The following LRP8 variants were observed in gnomAD, a reference collection of about 807,000 sequenced individuals.
LRP8 encodes the protein LDL receptor related protein 8.
In LRP8, 46 loss-of-function variants were observed where a neutral mutation model predicts 111.6. The ratio of observed to expected loss-of-function variants is 0.41; its 90% CI spans 0.33 to 0.53. The LOEUF (loss-of-function observed/expected upper bound fraction) is 0.53. Among genes scored for constraint, LRP8 ranks in the 20% least tolerant of loss-of-function variants. LRP8 has a pLI of 0.20. For synonymous variants in LRP8, 464 were observed against 511.2 expected (o/e 0.91, Z 1.24); for missense variants, 959 against 1,297.4 (o/e 0.74, Z 4.01).
At chr1:53,286,527 G>A (rs1557805184) in intron 3 of LRP8, among the ~76,000 whole-genome samples, 2 of 152,180 alleles carry the variant, frequency 1.3e-5, no homozygotes, top group African/African-American at 4.8e-5. Context: ...CCTGAAGGTG[G>A]GTCAGAAGCC....
At chr1:53,277,759 G>A (rs1315511353) in intron 4 of LRP8, among the ~76,000 whole-genome samples, 1 of 152,140 alleles carries the variant, frequency 6.6e-6, no homozygotes, top group African/African-American at 2.4e-5. Context: ...GCGTTTCCCC[G>A]CTTGGGAAAT....
rs551701332 is a variant in LRP8 at position 53,289,580 on chromosome 1, G to C, written c.354C>G (p.Ser118=). Residue 118 remains serine (S), a synonymous_variant, in exon 3 of 19, where the codon TCC becomes TCG. Transcript: ENST00000306052. ...GGCAGGACTCACTGCAAGTGGCCTC[G>C]GACTCATCGGAGCCATCAGGACACT... ...EEECPDGSDE[S]EATCTKQVCP... 35 of 1,603,978 alleles carry C rather than the reference G, an allele frequency of 2.2e-5. No individual in the cohort carries two copies. In the South Asian group the frequency reaches 3.6e-4, roughly 16 times the overall value.
chr1:53,289,801 G>C, intron 2 of LRP8, 112 bp from the exon 3 acceptor site: 4 of 1,405,332 alleles, frequency 2.8e-6, no homozygotes, highest in Non-Finnish European at 3.9e-6. Flanking sequence ...TGCTGACCAA[G>C]GGCAGAGGAC....
chr1:53,326,469 G>T (rs193152142), intron 2 of LRP8, among the ~76,000 whole-genome samples: 11 of 152,372 alleles, frequency 7.2e-5, no homozygotes, highest in African/African-American at 2.4e-4. Context: ...AGTGCGGCCC[G>T]GAGCTGCGTG....
At chr1:53,321,290 C>G (rs1178531788) in intron 2 of LRP8, among the ~76,000 whole-genome samples, 1 of 152,184 alleles carries the variant, frequency 6.6e-6, no homozygotes, top group Non-Finnish European at 1.5e-5. Context: ...CCCTGCCAGG[C>G]CTTCAGAGCC....
At chr1:53,324,984 A>C (rs1654960085) in intron 2 of LRP8, among the ~76,000 whole-genome samples, 1 of 152,198 alleles carries the variant, frequency 6.6e-6, no homozygotes, top group Admixed American at 6.5e-5. Context: ...ATGACAAGAA[A>C]ATTTCTGCTT....
At chr1:53,280,134 C>A (rs952685180) in intron 4 of LRP8, among the ~76,000 whole-genome samples, 2 of 151,974 alleles carry the variant, frequency 1.3e-5, no homozygotes, top group Non-Finnish European at 2.9e-5. Flanking sequence ...CCCCCTCCCC[C>A]CAGCATTGCT....
chr1:53,313,867 C>T (rs59861787), intron 2 of LRP8, among the ~76,000 whole-genome samples: 18 of 152,306 alleles, frequency 1.2e-4, no homozygotes, highest in Admixed American at 5.9e-4. Context: ...AGCTTTGCAT[C>T]TCTCAGAGCA....
intron 2 of LRP8, among the ~76,000 whole-genome samples, chr1:53,316,257 C>T (rs1250676514): frequency 6.6e-6 from 1 of 152,078 alleles, no homozygotes; most frequent in Non-Finnish European, 1.5e-5. Context: ...GCTGGAGAGG[C>T]CACGCTGGCC....
chr1:53,290,247 C>T (rs1222301575), intron 2 of LRP8, among the ~76,000 whole-genome samples: 3 of 152,190 alleles, frequency 2.0e-5, no homozygotes, highest in Non-Finnish European at 4.4e-5. Context: ...CCGGTGCCTA[C>T]AGCCTGCAGG....
In LRP8 at chr1:53,261,029, A is replaced by G. The variant is rs190461145; in HGVS notation, c.1915-424T>C. 2.0e-5 allele frequency among the ~76,000 whole-genome samples: 3 copies of G among 152,314 alleles called. No individual in the cohort carries two copies. In the East Asian group the frequency reaches 5.8e-4, roughly 29 times the overall value. ...CCACACGAGTCCACATGGTTAGTCCATATAAGCCTAGATGTGCATCTGTCA... is the reference window on the plus strand; with the variant it reads ...CCACACGAGTCCACATGGTTAGTCCGTATAAGCCTAGATGTGCATCTGTCA... On this transcript the variant is annotated intron_variant, in intron 12 of 18. Coordinates refer to ENST00000306052, the MANE Select transcript of LRP8 (RefSeq NM_004631.5).
intron 2 of LRP8, among the ~76,000 whole-genome samples, chr1:53,311,283 G>GT (rs1343561265): frequency 6.6e-6 from 1 of 152,128 alleles, no homozygotes; most frequent in Non-Finnish European, 1.5e-5. Context: ...GCGGGGAGGG[G>GT]TAGCTGTCTC....
At chr1:53,285,180 G>T (rs1647359790) in intron 3 of LRP8, among the ~76,000 whole-genome samples, 1 of 152,242 alleles carries the variant, frequency 6.6e-6, no homozygotes, top group Admixed American at 6.5e-5. Flanking sequence ...AAGGCTAGTG[G>T]TGAGAGGCAG....
Position 53,310,085 on chromosome 1 carries a change from G to C in LRP8, c.244+16788C>G, listed in dbSNP as rs940898015. ...GAGCATACCCACACCCTGGCCTTCAGGGGGACAGGAAGGGCTCTGGGCCCC... is the reference window on the plus strand; with the variant it reads ...GAGCATACCCACACCCTGGCCTTCACGGGGACAGGAAGGGCTCTGGGCCCC... On this transcript the variant is annotated intron_variant, in intron 2 of 18. Transcript: ENST00000306052. Among the ~76,000 whole-genome samples the C allele has an allele frequency of 2.6e-5, 4 of 152,230 alleles. No homozygotes were observed. The East Asian group carries it at 7.7e-4, about 29-fold the overall frequency.
intron 5 of LRP8, among the ~76,000 whole-genome samples, chr1:53,276,092 A>G (rs1646907929): frequency 6.6e-6 from 1 of 152,030 alleles, no homozygotes; most frequent in Non-Finnish European, 1.5e-5. Flanking sequence ...CTCATTACTT[A>G]ATGACTTCAT....
chr1:53,310,201 G>A (rs1010091852), intron 2 of LRP8, among the ~76,000 whole-genome samples: 1 of 119,486 alleles, frequency 8.4e-6, no homozygotes, highest in Admixed American at 9.1e-5. Context: ...GGGAAGAGAC[G>A]GGCTGGGGCA....
chr1:53,300,110 T>A (rs149535445), intron 2 of LRP8, among the ~76,000 whole-genome samples: 22 of 152,330 alleles, frequency 1.4e-4, no homozygotes, highest in African/African-American at 5.3e-4. Flanking sequence ...TATGACCAAC[T>A]GCCTTAGCAG....
rs1235369773 is a variant in LRP8, at chr1:53,264,170, C to G, written c.1654G>C (p.Gly552Arg). 6.2e-7 allele frequency: 1 copy of G among 1,613,950 alleles called. No homozygotes were observed. The highest frequency in any genetic ancestry group is 2.2e-5 in the East Asian group (1 of 44,872). Residue 552 changes from glycine to arginine, a missense_variant and splice_region_variant, in exon 10 of 19, where the codon GGG (glycine) becomes CGG (arginine). Around this residue, in one of 3 missense-constraint regions of LRP8, gnomAD observed 819 missense variants for 1,097.6 expected, o/e 0.75. Coordinates refer to ENST00000306052, the MANE Select transcript of LRP8 (RefSeq NM_004631.5). The part of the protein sequence containing the change: ...PRAIAVDPLR[G>R]FMYWSDWGDQ... ...GGGAAGTTCAGTTGGGACACTCACC[C>G]TCGCAGGGGGTCAACAGCGATGGCC...
chr1:53,288,805 C>A (rs979268129), intron 3 of LRP8, among the ~76,000 whole-genome samples: 1 of 152,182 alleles, frequency 6.6e-6, no homozygotes, highest in Admixed American at 6.5e-5. Flanking sequence ...CCTTCCCCGC[C>A]CCCTTCTCAT....
Sources: gnomAD v4.1 joint callset for allele counts (sites outside exome capture counted in the v4.1 genomes callset) on GRCh38, gnomAD v4.1.1 for gene constraint, gnomAD v4.1.1 regional missense constraint, MANE v1.5 for transcripts, NCBI Gene and HGNC (gene_info 2026-07-23, HGNC 2026-07-21) for gene names.